KCNK10: variants seen among roughly 807,000 people sequenced by gnomAD.
The protein encoded by KCNK10 is potassium channel subfamily K member 10.
Under a neutral mutation model 47.7 loss-of-function variants are expected in KCNK10, and 25 were observed. The observed-to-expected ratio is 0.52, with a 90% CI of 0.38 to 0.73. The LOEUF (loss-of-function observed/expected upper bound fraction) is 0.73, where lower values mean the gene tolerates loss of function less well. Among genes scored for constraint, KCNK10 ranks in the 30% least tolerant of loss-of-function variants. The pLI, the probability that KCNK10 is intolerant of heterozygous loss-of-function variation, is 0.00. For missense variants in KCNK10, 563 were observed against 714.5 expected, an observed-to-expected ratio of 0.79 and a Z score of 2.42; for synonymous variants, 303 against 285.6, an observed-to-expected ratio of 1.06 and a Z score of -0.61.
intron 4 of KCNK10, among the ~76,000 whole-genome samples, chr14:88,212,162 C>T (rs935228188): frequency 2.1e-5 from 3 of 140,038 alleles, no homozygotes; most frequent in South Asian, 2.4e-4. Context: ...AGAGAGAGGC[C>T]GGGCATGGTG....
chr14:88,219,312 C>G (rs1885721237), intron 4 of KCNK10, among the ~76,000 whole-genome samples: 1 of 150,020 alleles, frequency 6.7e-6, no homozygotes, highest in Admixed American at 6.6e-5. Context: ...CATTCCAAAC[C>G]CCCTTTGCAG....
At chr14:88,202,678 A>G (rs921648486) in intron 4 of KCNK10, among the ~76,000 whole-genome samples, 1 of 152,156 alleles carries the variant, frequency 6.6e-6, no homozygotes, top group African/African-American at 2.4e-5. Flanking sequence ...CCTCTTCCAG[A>G]CAGTAGGCAA....
At chr14:88,207,330 G>A (rs909280953) in intron 4 of KCNK10, among the ~76,000 whole-genome samples, 3 of 152,082 alleles carry the variant, frequency 2.0e-5, no homozygotes, top group Middle Eastern at 6.8e-3. Context: ...CCGCCATCGC[G>A]CCCGGCTAAT....
chr14:88,258,797 C>G (rs1057127311), intron 2 of KCNK10, among the ~76,000 whole-genome samples: 2 of 152,180 alleles, frequency 1.3e-5, no homozygotes, highest in African/African-American at 4.8e-5. Flanking sequence ...CACAGTACCC[C>G]ATGAAGTGGT....
At chr14:88,257,911 G>T (rs569832274) in intron 2 of KCNK10, among the ~76,000 whole-genome samples, 2 of 152,028 alleles carry the variant, frequency 1.3e-5, no homozygotes, top group East Asian at 3.9e-4. Flanking sequence ...TGGGAGGGGG[G>T]GTCTATGCTG....
chr14:88,267,133 TC>T (rs1257487362), intron 1 of KCNK10, among the ~76,000 whole-genome samples: 2 of 152,184 alleles, frequency 1.3e-5, no homozygotes, highest in African/African-American at 4.8e-5. Flanking sequence ...ATAGCAGCCA[TC>T]TTTTTTTCTA....
intron 1 of KCNK10, among the ~76,000 whole-genome samples, chr14:88,266,250 A>C (rs1887250249): frequency 6.6e-6 from 1 of 152,208 alleles, no homozygotes; most frequent in Admixed American, 6.5e-5. Flanking sequence ...GCAGCGTCAA[A>C]TGGCAAACAG....
chr14:88,185,835 G>A lies in KCNK10; in HGVS notation c.1332C>T (p.Ser444=), dbSNP rs187558874. The A allele has an allele frequency of 5.3e-5, 85 of 1,614,124 alleles. No individual in the cohort carries two copies. The highest frequency in any genetic ancestry group is 6.6e-5 in the Non-Finnish European group (78 of 1,180,030). Residue 444 remains serine (S), a synonymous_variant, in exon 7 of 7, where the codon TCC becomes TCT. Transcript: ENST00000319231. The surrounding 1 kb of genome is among the most constrained non-coding windows in gnomAD (Gnocchi z 4.3). ...CGAACTTGTTGATGATGTTGTCCTC[G>A]GACGCACCCTGCCCATGCTTGTTCA... ...EQLNKHGQGA[S]EDNIINKFGS... is the part of the protein sequence containing the mutation.
chr14:88,265,234 G>A (rs945230985), intron 1 of KCNK10, among the ~76,000 whole-genome samples: 2 of 152,194 alleles, frequency 1.3e-5, no homozygotes, highest in African/African-American at 4.8e-5. Flanking sequence ...CATGGCAAAA[G>A]GGACTTTGCA....
At chr14:88,226,403 A>G (rs958149345) in intron 4 of KCNK10, among the ~76,000 whole-genome samples, 4 of 152,248 alleles carry the variant, frequency 2.6e-5, no homozygotes, top group African/African-American at 9.6e-5. Context: ...TAGAGGGGGA[A>G]AAAAGCACAG....
chr14:88,249,605 T>C (rs1018127906), intron 2 of KCNK10, among the ~76,000 whole-genome samples: 33 of 152,194 alleles, frequency 2.2e-4, no homozygotes, highest in African/African-American at 7.5e-4. Context: ...CTAAAAACCA[T>C]GGATTCTAGA....
intron 1 of KCNK10, among the ~76,000 whole-genome samples, chr14:88,290,525 C>T (rs1287716767): frequency 2.0e-5 from 3 of 152,214 alleles, no homozygotes; most frequent in Admixed American, 6.5e-5. Flanking sequence ...GCACTGTGTA[C>T]ATTTCACATG....
intron 4 of KCNK10, among the ~76,000 whole-genome samples, chr14:88,195,532 C>T (rs1372419598): frequency 6.6e-6 from 1 of 152,132 alleles, no homozygotes; most frequent in East Asian, 1.9e-4. Flanking sequence ...TTCAGGAGGT[C>T]GCTGCTGGTT....
At chr14:88,272,955 G>A (rs899985657) in intron 1 of KCNK10, among the ~76,000 whole-genome samples, 36 of 152,182 alleles carry the variant, frequency 2.4e-4, no homozygotes, top group African/African-American at 8.7e-4. Flanking sequence ...TGCTCTGCAA[G>A]ACAGAAAATG....
chr14:88,323,350 C>A (rs184687053), upstream of KCNK10: 520 of 944,572 alleles, frequency 5.5e-4, 7 homozygotes, highest in African/African-American at 8.2e-3. Flanking sequence ...CCGGCGACGC[C>A]CCCCACTTCC....
At chr14:88,281,474 A>C (rs1377425658) in intron 1 of KCNK10, among the ~76,000 whole-genome samples, 1 of 152,164 alleles carries the variant, frequency 6.6e-6, no homozygotes, top group Non-Finnish European at 1.5e-5. Context: ...TGGAGGCCTG[A>C]ATAGAACAAA....
chr14:88,287,677 GTGTGTGTGTGTGTGTGT>G (rs1887792630), intron 1 of KCNK10, among the ~76,000 whole-genome samples: 2 of 36,902 alleles, frequency 5.4e-5, no homozygotes, highest in Non-Finnish European at 8.9e-5. Flanking sequence ...ATTCCATGGT[GTGTGTGTGTGTGTGTGT>G]GTGTGTGTGT....
chr14:88,219,056 C>T (rs1885713996), intron 4 of KCNK10, among the ~76,000 whole-genome samples: 1 of 152,186 alleles, frequency 6.6e-6, no homozygotes, highest in Admixed American at 6.5e-5. Context: ...GGTCCTACCA[C>T]CAATTCACTG....
chr14:88,313,225 C>A (rs1888361916), intron 1 of KCNK10, among the ~76,000 whole-genome samples: 1 of 152,170 alleles, frequency 6.6e-6, no homozygotes, highest in Non-Finnish European at 1.5e-5. Context: ...ATAATAACTA[C>A]AAAGCATTTA....
Sources: allele counts gnomAD v4.1 joint callset (sites outside exome capture counted in the v4.1 genomes callset), GRCh38; gene constraint gnomAD v4.1.1; non-coding constraint Gnocchi (gnomAD v3.1); transcripts MANE v1.5; gene names NCBI Gene and HGNC (gene_info 2026-07-23, HGNC 2026-07-21).